Variants in ZNF280D observed in about 807,000 individuals in gnomAD.
ZNF280D encodes the protein zinc finger protein 280D.
Under a neutral mutation model 94.7 loss-of-function variants are expected in ZNF280D, and 39 were observed. The ratio of observed to expected loss-of-function variants is 0.41; its 90% CI spans 0.32 to 0.54. ZNF280D has a LOEUF of 0.54. Ranked by LOEUF, ZNF280D falls within the 20% of genes least tolerant of loss-of-function variation. ZNF280D has a pLI of 0.22. For missense variants in ZNF280D, 1,090 were observed against 1,149.3 expected (o/e 0.95, Z 0.75); for synonymous variants, 398 against 377.6 (o/e 1.05, Z -0.63).
intron 20 of ZNF280D, among the ~76,000 whole-genome samples, chr15:56,639,038 G>A (rs111795288): frequency 0.028 from 4,240 of 151,584 alleles, 189 homozygotes; most frequent in African/African-American, 0.097. Flanking sequence ...ACATTGCTGG[G>A]AACAAAAGAA....
At chr15:56,718,770 G>A (rs1879822476) in intron 1 of ZNF280D, among the ~76,000 whole-genome samples, 2 of 152,144 alleles carry the variant, frequency 1.3e-5, no homozygotes, top group African/African-American at 2.4e-5. Context: ...GGCAGCTACA[G>A]CATTATCTAC....
intron 20 of ZNF280D, 152 bp from the exon 21 acceptor site, chr15:56,635,402 G>A (rs866032943): frequency 7.7e-5 from 17 of 220,730 alleles, no homozygotes; most frequent in Admixed American, 1.7e-4. Context: ...AATATAATTA[G>A]AATACTCCAT....
intron 20 of ZNF280D, among the ~76,000 whole-genome samples, chr15:56,641,557 G>T (rs1245249061): frequency 6.6e-6 from 1 of 151,824 alleles, no homozygotes; most frequent in African/African-American, 2.4e-5. Context: ...AGAATATCCT[G>T]TTTGCTCACT....
chr15:56,692,253 T>C (rs1394521215), intron 7 of ZNF280D, among the ~76,000 whole-genome samples: 1 of 151,888 alleles, frequency 6.6e-6, no homozygotes, highest in African/African-American at 2.4e-5. Flanking sequence ...AATCAAGTAT[T>C]AAAAAATTGG....
chr15:56,689,190 A>C lies in ZNF280D; in HGVS notation c.671-40T>G, dbSNP rs768140418. 9.5e-6 allele frequency: 15 copies of C among 1,577,766 alleles called. No individual in the cohort carries two copies. The South Asian group carries it at 1.6e-4, about 17-fold the overall frequency. ...GAACATTTATGACTCAAAATTCATCACTTTTTAACCTTAAATAACCACTAA... is the reference window on the plus strand; with the variant it reads ...GAACATTTATGACTCAAAATTCATCCCTTTTTAACCTTAAATAACCACTAA... On this transcript the variant is annotated intron_variant, in intron 8 of 21. Coordinates refer to ENST00000267807, the MANE Select transcript of ZNF280D (RefSeq NM_017661.4).
intron 20 of ZNF280D, among the ~76,000 whole-genome samples, chr15:56,638,815 T>C (rs2052477603): frequency 6.6e-6 from 1 of 152,100 alleles, no homozygotes; most frequent in African/African-American, 2.4e-5. Flanking sequence ...TTAAATAGTA[T>C]CCGCAGGAGT....
At chr15:56,654,821 T>A (rs1390145611) in intron 17 of ZNF280D, 2 of 475,352 alleles carry the variant, frequency 4.2e-6, no homozygotes, top group Non-Finnish European at 8.3e-6. Flanking sequence ...GCAAGTCACA[T>A]TCTATTTGTC....
intron 16 of ZNF280D, 27 bp downstream of exon 16, chr15:56,666,368 G>C (rs2054284139): frequency 1.3e-6 from 2 of 1,593,920 alleles, no homozygotes; most frequent in Non-Finnish European, 1.7e-6. Context: ...ATTTTAATTG[G>C]CAATTTACAC....
At chr15:56,665,590 T>C (rs1175784287) in intron 16 of ZNF280D, among the ~76,000 whole-genome samples, 2 of 149,724 alleles carry the variant, frequency 1.3e-5, no homozygotes, top group African/African-American at 4.9e-5. Context: ...AAAAAGACAG[T>C]TGGAATACAG....
intron 3 of ZNF280D, 75 bp downstream of exon 3, chr15:56,707,007 C>A: frequency 6.9e-7 from 1 of 1,452,002 alleles, no homozygotes; most frequent in Non-Finnish European, 9.6e-7. Flanking sequence ...TGTCTCCCAA[C>A]TTTCATCCTT....
intron 11 of ZNF280D, among the ~76,000 whole-genome samples, chr15:56,678,301 T>G (rs1290490535): frequency 6.6e-6 from 1 of 152,164 alleles, no homozygotes; most frequent in East Asian, 1.9e-4. Flanking sequence ...CATGAGCCAC[T>G]GCACCCCGCC....
rs780664781 is a variant in ZNF280D, at chr15:56,666,481, A to G, written c.1908T>C (p.Phe636=). ...CIECCSEIKD[F]ANHFPTYVHC... The stretch of plus-strand genomic sequence containing the variant: ...GGACGTACGTAGGAAAGTGGTTTGC[A>G]AAATCTTTTATTTCGGAACAACACT... Residue 636 remains phenylalanine, a synonymous_variant, in exon 16 of 22, where the codon TTT becomes TTC. Transcript: ENST00000267807. The G allele has an allele frequency of 6.2e-7, 1 of 1,603,528 alleles. No individual in the cohort carries two copies.
rs146127732 is a variant in ZNF280D, at chr15:56,721,983, G to A, written c.-86+11475C>T. Among the ~76,000 whole-genome samples the A allele has an allele frequency of 2.0e-3, 299 of 152,272 alleles. 1 individual carries two copies. The highest frequency in any genetic ancestry group is 6.9e-3 in the African/African-American group (286 of 41,560). ...TTCTAGTTCTTTTTATTTAAAGTGA[G>A]AGATGTGCAAATCTTCCTTATACTT... On this transcript the variant is annotated intron_variant, in intron 1 of 21. Transcript: ENST00000267807.
At chr15:56,671,273 T>G (rs142511805) in intron 13 of ZNF280D, among the ~76,000 whole-genome samples, 169 of 152,294 alleles carry the variant, frequency 1.1e-3, no homozygotes, top group African/African-American at 3.8e-3. Flanking sequence ...TGAATGGTAT[T>G]GCCTAGGTTT....
chr15:56,681,043 A>G (rs1315273152), intron 10 of ZNF280D, among the ~76,000 whole-genome samples: 1 of 152,204 alleles, frequency 6.6e-6, no homozygotes. Context: ...TTAGCTATTG[A>G]TGGCCCTTAA....
chr15:56,689,243 C>CA, intron 8 of ZNF280D, 57 bp downstream of exon 8: 1 of 1,555,472 alleles, frequency 6.4e-7, no homozygotes, highest in South Asian at 1.2e-5. Context: ...ATAGCCACTT[C>CA]AAAAATGTAT....
Position 56,668,845 on chromosome 15 carries a change from T to C in ZNF280D, c.1523A>G (p.Glu508Gly). 1 of 1,607,610 alleles carries C rather than the reference T, an allele frequency of 6.2e-7. No individual in the cohort carries two copies. The highest frequency in any genetic ancestry group is 8.5e-7 in the Non-Finnish European group (1 of 1,177,672). Reference protein sequence around the residue: ...HRTFIKPKQLEGLPPGTKVTI... With the variant: ...HRTFIKPKQLGGLPPGTKVTI... ...CACTTTTGTTCCAGGAGGCAATCCT[T>C]CTAGTTGTTTAGGTTTTATAAATGT... The change falls in exon 14 of 22, where the codon GAA becomes GGA. Residue 508 changes from glutamate (E) to glycine (G), a missense_variant. Around this residue, in one of 3 missense-constraint regions of ZNF280D, gnomAD observed 577 missense variants for 568.8 expected, o/e 1.01. Coordinates refer to ENST00000267807, the MANE Select transcript of ZNF280D (RefSeq NM_017661.4).
At chr15:56,645,498 T>C (rs76299316) in intron 19 of ZNF280D, among the ~76,000 whole-genome samples, 2,585 of 152,294 alleles carry the variant, frequency 0.017, 61 homozygotes, top group African/African-American at 0.054. Flanking sequence ...AAGACTAAAA[T>C]GACCCTATTT....
chr15:56,669,914 T>TATATATAA (rs1491162228), intron 13 of ZNF280D, among the ~76,000 whole-genome samples: 1 of 2,678 alleles, frequency 3.7e-4, no homozygotes, highest in Non-Finnish European at 7.3e-4. Context: ...TATATATATA[T>TATATATAA]TATATATATA....
Sources: allele counts gnomAD v4.1 joint callset (sites outside exome capture counted in the v4.1 genomes callset), GRCh38; gene constraint gnomAD v4.1.1; regional missense constraint gnomAD v4.1.1; transcripts MANE v1.5; gene names NCBI Gene and HGNC (gene_info 2026-07-23, HGNC 2026-07-21).